CDKAL1: variants seen among roughly 807,000 people sequenced by gnomAD.
The protein encoded by CDKAL1 is CDKAL1 threonylcarbamoyladenosine tRNA methylthiotransferase.
CDKAL1 carries 32 observed loss-of-function variants against 68.2 expected under a neutral mutation model. That is an observed-to-expected ratio of 0.47 (90% confidence interval 0.35 to 0.63). The LOEUF (loss-of-function observed/expected upper bound fraction) is 0.63. Among genes scored for constraint, CDKAL1 ranks in the 30% least tolerant of loss-of-function variants. The pLI is 0.00. For missense variants in CDKAL1, 606 were observed against 696.7 expected (o/e 0.87, Z 1.47); for synonymous variants, 234 against 244.3 (o/e 0.96, Z 0.39).
chr6:20,781,674 G>A (rs1051129584), intron 8 of CDKAL1, among the ~76,000 whole-genome samples: 1 of 152,074 alleles, frequency 6.6e-6, no homozygotes, highest in African/African-American at 2.4e-5. Context: ...TATTTGAAAT[G>A]CATATTTTAA....
chr6:20,807,273 G>A (rs940001424), intron 8 of CDKAL1, among the ~76,000 whole-genome samples: 3 of 151,960 alleles, frequency 2.0e-5, no homozygotes, highest in Non-Finnish European at 4.4e-5. Flanking sequence ...CCCCAGGCTG[G>A]AGTGCAGTGG....
chr6:20,834,197 TG>T (rs1204005222), intron 8 of CDKAL1, among the ~76,000 whole-genome samples: 1 of 152,196 alleles, frequency 6.6e-6, no homozygotes, highest in Non-Finnish European at 1.5e-5. Flanking sequence ...TTTCTGCACC[TG>T]GGAATTTTTC....
Position 20,634,892 on chromosome 6 carries a change from G to A in CDKAL1, c.287-14401G>A, listed in dbSNP as rs193001748. On this transcript the variant is annotated intron_variant, in intron 4 of 15. Coordinates refer to ENST00000274695, the MANE Select transcript of CDKAL1 (RefSeq NM_017774.3). ...CTTGGGAGGCTGAGGCAGGAGAATC[G>A]CTTGAACCTGGGAGGTAGAGGTTGC... Among the ~76,000 whole-genome samples, 29 of 150,138 alleles carry A rather than the reference G, an allele frequency of 1.9e-4. No individual in the cohort carries two copies. The East Asian group carries it at 3.9e-3, about 20-fold the overall frequency.
chr6:21,128,975 C>T (rs1429130551), intron 13 of CDKAL1, among the ~76,000 whole-genome samples: 1 of 152,158 alleles, frequency 6.6e-6, no homozygotes, highest in Non-Finnish European at 1.5e-5. Flanking sequence ...ATCTGCCTTT[C>T]ACTCACTGTG....
intron 5 of CDKAL1, among the ~76,000 whole-genome samples, chr6:20,713,974 T>TA (rs562987504): frequency 6.6e-6 from 1 of 152,026 alleles, no homozygotes; most frequent in Non-Finnish European, 1.5e-5. Flanking sequence ...ATTTTATCCT[T>TA]AAAAAAAGAA....
chr6:20,905,418 G>A (rs1762187761), intron 9 of CDKAL1, among the ~76,000 whole-genome samples: 2 of 152,050 alleles, frequency 1.3e-5, no homozygotes, highest in Non-Finnish European at 2.9e-5. Flanking sequence ...AAAAGAATGA[G>A]GAAACATGAA....
chr6:21,142,718 C>G (rs549152233), intron 13 of CDKAL1, among the ~76,000 whole-genome samples: 2 of 152,196 alleles, frequency 1.3e-5, no homozygotes, highest in Non-Finnish European at 2.9e-5. Flanking sequence ...AAGAGAAGTA[C>G]AAAATGTAAT....
chr6:20,734,863 C>CTTTT lies in CDKAL1; in HGVS notation c.372-4635_372-4632dup, dbSNP rs34104100. 2.9e-3 allele frequency among the ~76,000 whole-genome samples: 250 copies of CTTTT among 87,694 alleles called. 3 individuals carry two copies. The highest frequency in any genetic ancestry group is 3.3e-3 in the African/African-American group (74 of 22,582). The allele number at this position is 87,694 out of a possible 152,430, so 57.5% of individuals were successfully genotyped here. A position where few individuals can be genotyped will look rare whatever the true frequency, so the allele number is the denominator to read the frequency against. On this transcript the variant is annotated intron_variant, in intron 5 of 15. Coordinates refer to ENST00000274695, the MANE Select transcript of CDKAL1 (RefSeq NM_017774.3). Reference sequence around the variant, plus strand: ...GATAAAGGGGCAAGTTGCTGCACCTCTTTTTTTTTTTTTTTTTTTTTTTTG... The same window carrying CTTTT: ...GATAAAGGGGCAAGTTGCTGCACCTCTTTTTTTTTTTTTTTTTTTTTTTTTTTTG...
intron 13 of CDKAL1, among the ~76,000 whole-genome samples, chr6:21,151,555 A>G (rs1171347677): frequency 6.6e-6 from 1 of 152,250 alleles, no homozygotes; most frequent in Non-Finnish European, 1.5e-5. Flanking sequence ...CTCCAATATG[A>G]AAGCCAGAAA....
At chr6:21,189,898 T>C (rs1371417597) in intron 13 of CDKAL1, among the ~76,000 whole-genome samples, 2 of 152,226 alleles carry the variant, frequency 1.3e-5, no homozygotes, top group Non-Finnish European at 2.9e-5. Flanking sequence ...TCGCGTGCTC[T>C]GCCTGTTGTG....
Position 20,846,106 on chromosome 6 carries a change from A to G in CDKAL1, c.670A>G (p.Lys224Glu), listed in dbSNP as rs1444832031. 6.2e-7 allele frequency: 1 copy of G among 1,613,168 alleles called. No homozygotes were observed. The change falls in exon 9 of 16, where the codon AAA becomes GAA. Residue 224 changes from lysine (K) to glutamate (E), a missense_variant. Lys to Glu is a moderately conservative substitution (Grantham distance 56). Coordinates refer to ENST00000274695, the MANE Select transcript of CDKAL1 (RefSeq NM_017774.3). ...CAATGCTTGTACCTACTGCAAAACTAAACACGCCAGAGGAAATTTGGCCAG... is the reference window on the plus strand; with the variant it reads ...CAATGCTTGTACCTACTGCAAAACTGAACACGCCAGAGGAAATTTGGCCAG... The part of the protein sequence containing the change: ...CLNACTYCKT[K>E]HARGNLASYP...
intron 4 of CDKAL1, among the ~76,000 whole-genome samples, chr6:20,634,258 G>C (rs1227509747): frequency 1.3e-5 from 2 of 152,192 alleles, no homozygotes; most frequent in Non-Finnish European, 2.9e-5. Flanking sequence ...AATAAGGAAG[G>C]AGATTTTTGG....
chr6:20,958,978 G>A (rs756698541), intron 10 of CDKAL1, among the ~76,000 whole-genome samples: 13 of 152,064 alleles, frequency 8.5e-5, no homozygotes, highest in South Asian at 2.1e-4. Flanking sequence ...AAAGTATGCC[G>A]GGGAAAGATA....
At chr6:21,204,852 G>A (rs537401539) in intron 15 of CDKAL1, among the ~76,000 whole-genome samples, 1 of 152,188 alleles carries the variant, frequency 6.6e-6, no homozygotes, top group Admixed American at 6.5e-5. Flanking sequence ...TATAGTTAGT[G>A]GTGTTAAGTA....
intron 9 of CDKAL1, among the ~76,000 whole-genome samples, chr6:20,883,531 A>G (rs1038187620): frequency 1.3e-5 from 2 of 152,174 alleles, no homozygotes; most frequent in Middle Eastern, 3.2e-3. Context: ...TGACTGCGCA[A>G]CCGAATGTTT....
At chr6:21,165,772 C>T (rs1031814191) in intron 13 of CDKAL1, among the ~76,000 whole-genome samples, 3 of 152,144 alleles carry the variant, frequency 2.0e-5, no homozygotes, top group Admixed American at 6.6e-5. Context: ...CTGTACTCTG[C>T]GATGACAGCA....
chr6:20,658,352 G>A (rs1020062965), intron 5 of CDKAL1, among the ~76,000 whole-genome samples: 1 of 152,178 alleles, frequency 6.6e-6, no homozygotes, highest in Non-Finnish European at 1.5e-5. Context: ...GAAATAAATG[G>A]TAATGTCGAA....
At chr6:20,715,025 CAT>C (rs1213483917) in intron 5 of CDKAL1, among the ~76,000 whole-genome samples, 1 of 152,150 alleles carries the variant, frequency 6.6e-6, no homozygotes, top group Non-Finnish European at 1.5e-5. Flanking sequence ...TTAAGATCAT[CAT>C]CTTACAATTA....
At chr6:20,762,975 C>T (rs1774535854) in intron 7 of CDKAL1, among the ~76,000 whole-genome samples, 1 of 152,154 alleles carries the variant, frequency 6.6e-6, no homozygotes, top group Non-Finnish European at 1.5e-5. Flanking sequence ...AACTGTGCTG[C>T]TTGATGTTTC....
Sources: gnomAD v4.1 joint callset for allele counts (sites outside exome capture counted in the v4.1 genomes callset) on GRCh38, gnomAD v4.1.1 for gene constraint, MANE v1.5 for transcripts, NCBI Gene and HGNC (gene_info 2026-07-23, HGNC 2026-07-21) for gene names.